Variants in CTNNA3 observed in about 807,000 individuals in gnomAD.
CTNNA3 encodes catenin alpha 3.
Under a neutral mutation model 95.7 loss-of-function variants are expected in CTNNA3, and 76 were observed. The ratio of observed to expected loss-of-function variants is 0.79; its 90% CI spans 0.66 to 0.96. The LOEUF is 0.96. CTNNA3 is among the 40% of genes least tolerant of loss of function. The probability of loss-of-function intolerance (pLI) is 0.00; values close to 1 mark genes in which losing one functional copy is unlikely to be tolerated. For synonymous variants in CTNNA3, 431 were observed against 374.4 expected (o/e 1.15, Z -1.74); for missense variants, 1,191 against 1,089.8 (o/e 1.09, Z -1.31).
chr10:66,493,822 GTC>G (rs1168329881), intron 11 of CTNNA3, among the ~76,000 whole-genome samples: 1 of 149,464 alleles, frequency 6.7e-6, no homozygotes, highest in Admixed American at 6.7e-5. Context: ...AGCCAGGATG[GTC>G]TCGATTTCCT....
chr10:67,079,017 A>T (rs144133769), intron 7 of CTNNA3, among the ~76,000 whole-genome samples: 7 of 152,136 alleles, frequency 4.6e-5, no homozygotes, highest in Admixed American at 6.6e-5. Context: ...TACAATTTCT[A>T]AGACACTCTT....
At chr10:67,232,201 C>A (rs547475066) in intron 5 of CTNNA3, among the ~76,000 whole-genome samples, 1 of 152,072 alleles carries the variant, frequency 6.6e-6, no homozygotes, top group African/African-American at 2.4e-5. Flanking sequence ...CTCCAAGACA[C>A]ATAATTGTCA....
intron 7 of CTNNA3, among the ~76,000 whole-genome samples, chr10:66,829,955 T>G (rs879798615): frequency 6.6e-6 from 1 of 151,872 alleles, no homozygotes; most frequent in Non-Finnish European, 1.5e-5. Context: ...AAGCTCCGCC[T>G]CCCGGGTTCA....
At chr10:66,275,937 C>T (rs1251025934) in intron 13 of CTNNA3, among the ~76,000 whole-genome samples, 2 of 152,082 alleles carry the variant, frequency 1.3e-5, no homozygotes, top group Non-Finnish European at 2.9e-5. Flanking sequence ...TAAATCTGTT[C>T]ATTCCTGTAG....
At chr10:66,913,741 G>C (rs928305706) in intron 7 of CTNNA3, among the ~76,000 whole-genome samples, 1 of 152,152 alleles carries the variant, frequency 6.6e-6, no homozygotes, top group Non-Finnish European at 1.5e-5. Context: ...GATCTTCATA[G>C]AGCGAGATCA....
intron 14 of CTNNA3, among the ~76,000 whole-genome samples, chr10:66,088,891 C>T: frequency 6.6e-6 from 1 of 151,928 alleles, no homozygotes; most frequent in East Asian, 1.9e-4. Flanking sequence ...GGGCCTATGC[C>T]CAGTTTTCTG....
intron 13 of CTNNA3, among the ~76,000 whole-genome samples, chr10:66,163,880 T>G (rs2084982094): frequency 6.6e-6 from 1 of 152,188 alleles, no homozygotes; most frequent in African/African-American, 2.4e-5. Context: ...GGATTAAATG[T>G]GTTATATGTG....
chr10:66,830,516 C>T (rs1842675566), intron 7 of CTNNA3, among the ~76,000 whole-genome samples: 1 of 152,182 alleles, frequency 6.6e-6, no homozygotes, highest in Non-Finnish European at 1.5e-5. Context: ...CACTCTGCTT[C>T]TACTCGTGCT....
At chr10:66,624,296 T>G (rs547316408) in intron 9 of CTNNA3, among the ~76,000 whole-genome samples, 1 of 152,144 alleles carries the variant, frequency 6.6e-6, no homozygotes, top group Non-Finnish European at 1.5e-5. Context: ...CTGGGATGCT[T>G]TGAGAATTAA....
chr10:66,804,380 C>T (rs1456387187), intron 7 of CTNNA3, among the ~76,000 whole-genome samples: 1 of 152,018 alleles, frequency 6.6e-6, no homozygotes, highest in African/African-American at 2.4e-5. Flanking sequence ...ATCCCTACAT[C>T]CGCGCATCTG....
At chr10:67,643,168 G>A (rs558733641) in intron 2 of CTNNA3, among the ~76,000 whole-genome samples, 1 of 152,320 alleles carries the variant, frequency 6.6e-6, no homozygotes, top group Non-Finnish European at 1.5e-5. Context: ...CACGTCCTTT[G>A]TAGGGACATG....
At chr10:67,706,142 G>A (rs970996766) in intron 1 of CTNNA3, among the ~76,000 whole-genome samples, 2 of 152,110 alleles carry the variant, frequency 1.3e-5, no homozygotes, top group African/African-American at 4.8e-5. Flanking sequence ...TCTGTGGGCA[G>A]AACCATCTTG....
At chr10:67,208,075 G>C (rs911573276) in intron 6 of CTNNA3, among the ~76,000 whole-genome samples, 9 of 152,046 alleles carry the variant, frequency 5.9e-5, no homozygotes, top group Non-Finnish European at 2.9e-5. Context: ...GTTTATCATA[G>C]CTATAAGAAC....
Position 67,431,213 on chromosome 10 carries a change from C to T in CTNNA3, c.579+90629G>A, listed in dbSNP as rs1846100565. On this transcript the variant is annotated intron_variant, in intron 5 of 17. Transcript: ENST00000433211. ...CAGCAACTGAAGGAACAAGTACATC[C>T]CATGCCTGAAATGGAAAAGGATGGT... is the stretch of plus-strand genomic sequence containing the variant. Among the ~76,000 whole-genome samples the T allele has an allele frequency of 2.0e-5, 3 of 151,900 alleles. No homozygotes were observed. The South Asian group carries it at 6.2e-4, about 32-fold the overall frequency.
chr10:67,212,421 G>GT (rs1343706403), intron 6 of CTNNA3, among the ~76,000 whole-genome samples: 1 of 151,804 alleles, frequency 6.6e-6, no homozygotes, highest in Admixed American at 6.6e-5. Flanking sequence ...TAAAAATGCT[G>GT]TATGAATTCT....
chr10:65,923,180 T>C (rs1029768470), intron 17 of CTNNA3, among the ~76,000 whole-genome samples: 1 of 152,200 alleles, frequency 6.6e-6, no homozygotes, highest in African/African-American at 2.4e-5. Context: ...GAAGTTAGCA[T>C]AGGCAATGTC....
At position 66,811,832 on chromosome 10, in the gene CTNNA3, C is replaced by A. The variant is rs574436953; in HGVS notation, c.1048-36308G>T. On this transcript the variant is annotated intron_variant, in intron 7 of 17. Transcript: ENST00000433211. ...GAAACTCTGCTACTAGCAGACAGAC[C>A]TTCTGAATCAGATTGCCTGTTTATA... Among the ~76,000 whole-genome samples the A allele has an allele frequency of 3.3e-5, 5 of 152,274 alleles. No individual in the cohort carries two copies. In the East Asian group the frequency reaches 9.6e-4, roughly 29 times the overall value.
At chr10:67,648,106 C>A (rs957670359) in intron 1 of CTNNA3, among the ~76,000 whole-genome samples, 2 of 151,934 alleles carry the variant, frequency 1.3e-5, no homozygotes, top group Non-Finnish European at 2.9e-5. Context: ...AAGAGAGAAG[C>A]CCCTGAGAAG....
chr10:66,170,589 A>C (rs1392346890), intron 13 of CTNNA3, among the ~76,000 whole-genome samples: 3 of 152,080 alleles, frequency 2.0e-5, no homozygotes, highest in Admixed American at 2.0e-4. Flanking sequence ...AGATATACAC[A>C]ATAGGCAAAG....
Sources: gnomAD v4.1 joint callset for allele counts (sites outside exome capture counted in the v4.1 genomes callset) on GRCh38, gnomAD v4.1.1 for gene constraint, MANE v1.5 for transcripts, NCBI Gene and HGNC (gene_info 2026-07-23, HGNC 2026-07-21) for gene names.